Variants in NLGN1 observed in about 807,000 individuals in gnomAD.
The protein encoded by NLGN1 is neuroligin 1, also known as neuroligin-1.
In NLGN1, 12 loss-of-function variants were observed where a neutral mutation model predicts 65.5. The ratio of observed to expected loss-of-function variants is 0.18; its 90% CI spans 0.12 to 0.30. The LOEUF (loss-of-function observed/expected upper bound fraction) is 0.30. Among genes scored for constraint, NLGN1 ranks in the 10% least tolerant of loss-of-function variants. The pLI is 1.00. For missense variants in NLGN1, 750 were observed against 1,007.1 expected (o/e 0.74, Z 3.46); for synonymous variants, 350 against 359.5 (o/e 0.97, Z 0.30).
At position 174,279,244 on chromosome 3, in the gene NLGN1, G is replaced by T; in HGVS notation, c.1243G>T (p.Val415Phe). The T allele has an allele frequency of 6.2e-7, 1 of 1,613,308 alleles. No individual in the cohort carries two copies. The highest frequency in any genetic ancestry group is 8.5e-7 in the Non-Finnish European group (1 of 1,179,554). ...ATCAGCTAGTGATTTTGACTTTGCTGTTTCAAATTTTGTTGATAATTTATA... is the reference window on the plus strand; with the variant it reads ...ATCAGCTAGTGATTTTGACTTTGCTTTTTCAAATTTTGTTGATAATTTATA... The change falls in exon 6 of 7, where the codon GTT (valine) becomes TTT (phenylalanine). Residue 415 changes from valine (V) to phenylalanine (F), a missense_variant. Physicochemically the swap from Val to Phe is conservative, Grantham distance 50. Transcript: ENST00000457714. This position sits in a 1 kb window ranked among gnomAD's most constrained non-coding sequence, Gnocchi z 4.7.
intron 3 of NLGN1, among the ~76,000 whole-genome samples, chr3:173,784,776 G>T (rs1004350360): frequency 6.6e-6 from 1 of 152,168 alleles, no homozygotes; most frequent in African/African-American, 2.4e-5. Flanking sequence ...ATGAAGATTT[G>T]TAAATATATA....
intron 2 of NLGN1, among the ~76,000 whole-genome samples, chr3:173,504,450 G>A (rs1731663056): frequency 6.6e-6 from 1 of 151,968 alleles, no homozygotes; most frequent in Non-Finnish European, 1.5e-5. Context: ...TTCAACGTCA[G>A]TAATTCAAAA....
chr3:173,409,379 G>GA (rs1382310417), intron 1 of NLGN1, among the ~76,000 whole-genome samples: 1 of 152,014 alleles, frequency 6.6e-6, no homozygotes, highest in South Asian at 2.1e-4. Flanking sequence ...ACTTTTCTTG[G>GA]AAAAAACTGT....
At chr3:174,208,593 A>G (rs1735850254) in intron 4 of NLGN1, among the ~76,000 whole-genome samples, 2 of 151,662 alleles carry the variant, frequency 1.3e-5, no homozygotes, top group Non-Finnish European at 1.5e-5. Context: ...GCTTGTATTT[A>G]TAAATCTGAC....
At chr3:173,910,332 G>A (rs1560609210) in intron 4 of NLGN1, among the ~76,000 whole-genome samples, 1 of 152,070 alleles carries the variant, frequency 6.6e-6, no homozygotes, top group Non-Finnish European at 1.5e-5. Flanking sequence ...AATAGCTTGG[G>A]AAGTAAGCTT....
chr3:173,468,946 G>C (rs562984668), intron 2 of NLGN1, among the ~76,000 whole-genome samples: 2 of 152,172 alleles, frequency 1.3e-5, no homozygotes, highest in African/African-American at 4.8e-5. Context: ...TGTGACTAGG[G>C]TATTGCAGGA....
chr3:173,803,132 G>A (rs1326837430), intron 3 of NLGN1, among the ~76,000 whole-genome samples: 1 of 152,004 alleles, frequency 6.6e-6, no homozygotes, highest in Non-Finnish European at 1.5e-5. Context: ...TGAGCCACCA[G>A]GCCTGGCAGA....
intron 4 of NLGN1, among the ~76,000 whole-genome samples, chr3:174,099,451 G>A (rs1401060229): frequency 6.6e-6 from 1 of 152,112 alleles, no homozygotes; most frequent in African/African-American, 2.4e-5. Context: ...TTTTAACAAT[G>A]CCCCAGTTTC....
chr3:173,437,021 T>G (rs1718263940), intron 2 of NLGN1, among the ~76,000 whole-genome samples: 1 of 152,240 alleles, frequency 6.6e-6, no homozygotes. Context: ...TTATTAAAAC[T>G]TCTTGAAGTA....
chr3:174,283,918 C>T (rs966904913), exon 7 of NLGN1: 1 of 151,258 alleles, frequency 6.6e-6, no homozygotes, highest in African/African-American at 2.4e-5. Flanking sequence ...GAAATGACAA[C>T]AAAATAAGAT....
chr3:173,598,008 G>A (rs1577456324), intron 2 of NLGN1, among the ~76,000 whole-genome samples: 2 of 152,092 alleles, frequency 1.3e-5, no homozygotes, highest in Admixed American at 1.3e-4. Flanking sequence ...AGAAGAGCTT[G>A]TCCTAAAAGT....
At chr3:173,729,172 C>T (rs772491830) in intron 3 of NLGN1, among the ~76,000 whole-genome samples, 30 of 152,054 alleles carry the variant, frequency 2.0e-4, no homozygotes, top group Non-Finnish European at 4.0e-4. Flanking sequence ...ATCAGTTGGA[C>T]TTAAGAGCCA....
intron 2 of NLGN1, among the ~76,000 whole-genome samples, chr3:173,525,230 T>TTTGTTGTTG (rs34726754): frequency 2.0e-5 from 3 of 150,236 alleles, no homozygotes; most frequent in African/African-American, 4.9e-5. Context: ...GGGTGGGTTT[T>TTTGTTGTTG]TTGTTGTTGT....
At chr3:174,019,820 T>C (rs2152456324) in intron 4 of NLGN1, among the ~76,000 whole-genome samples, 1 of 152,228 alleles carries the variant, frequency 6.6e-6, no homozygotes, top group South Asian at 2.1e-4. Flanking sequence ...AACAAATGAT[T>C]GACTGTAACT....
intron 2 of NLGN1, among the ~76,000 whole-genome samples, chr3:173,499,107 T>C (rs1323333658): frequency 6.6e-6 from 1 of 151,392 alleles, no homozygotes; most frequent in Non-Finnish European, 1.5e-5. Flanking sequence ...GCTTTTGGTG[T>C]TTTAGACATG....
At chr3:173,688,811 A>G (rs1765045178) in intron 3 of NLGN1, among the ~76,000 whole-genome samples, 1 of 152,254 alleles carries the variant, frequency 6.6e-6, no homozygotes, top group African/African-American at 2.4e-5. Flanking sequence ...TGTCATGGAC[A>G]AAATTGCTAA....
chr3:174,080,206 A>G (rs1244468097), intron 4 of NLGN1, among the ~76,000 whole-genome samples: 1 of 152,162 alleles, frequency 6.6e-6, no homozygotes, highest in African/African-American at 2.4e-5. Context: ...ATGCTCAATC[A>G]TAACATAGAA....
At chr3:173,680,655 CAAT>C (rs1233228903) in intron 3 of NLGN1, among the ~76,000 whole-genome samples, 82 of 152,142 alleles carry the variant, frequency 5.4e-4, no homozygotes, top group African/African-American at 1.7e-3. Context: ...CATTTTATGA[CAAT>C]GATGATATTT....
intron 2 of NLGN1, among the ~76,000 whole-genome samples, chr3:173,533,110 A>C (rs962807778): frequency 2.0e-5 from 3 of 152,204 alleles, no homozygotes; most frequent in African/African-American, 4.8e-5. Context: ...TTCTAGCATA[A>C]TGGTAATTAT....
Sources: allele counts gnomAD v4.1 joint callset (sites outside exome capture counted in the v4.1 genomes callset), GRCh38; gene constraint gnomAD v4.1.1; non-coding constraint Gnocchi (gnomAD v3.1); transcripts MANE v1.5; gene names NCBI Gene and HGNC (gene_info 2026-07-23, HGNC 2026-07-21).